The following ZNF335 variants were observed in gnomAD, a reference collection of about 807,000 sequenced individuals.
ZNF335 encodes zinc finger protein 335, also known as NRC-interacting factor 1.
ZNF335 carries 84 observed loss-of-function variants against 145.6 expected under a neutral mutation model. That is an observed-to-expected ratio of 0.58 (90% CI 0.48 to 0.69). ZNF335 has a LOEUF of 0.69. Among genes scored for constraint, ZNF335 ranks in the 30% least tolerant of loss-of-function variants. The probability of loss-of-function intolerance (pLI) is 0.00; values close to 1 mark genes in which losing one functional copy is unlikely to be tolerated. For synonymous variants in ZNF335, 761 were observed against 717.0 expected, an observed-to-expected ratio of 1.06 and a Z score of -0.98; for missense variants, 1,865 against 1,809.7, an observed-to-expected ratio of 1.03 and a Z score of -0.55.
rs778950743 is a variant in ZNF335, at chr20:45,960,439, G to C, written c.1859+10C>G. Reference sequence around the variant, plus strand: ...TGCTCCCGTCCCCAGGGGCCTCCAAGGGGATGTACCTGCGGTTGGCAACAG... The same window carrying C: ...TGCTCCCGTCCCCAGGGGCCTCCAACGGGATGTACCTGCGGTTGGCAACAG... On this transcript the variant is annotated intron_variant, in intron 13 of 27. Transcript: ENST00000322927. 1 of 1,614,210 alleles carries C rather than the reference G, an allele frequency of 6.2e-7. No homozygotes were observed. The highest frequency in any genetic ancestry group is 1.7e-5 in the Admixed American group (1 of 60,026).
At chr20:45,961,920 A>G in intron 10 of ZNF335, 150 bp downstream of exon 10, 1 of 642,642 alleles carries the variant, frequency 1.6e-6, no homozygotes, top group Non-Finnish European at 2.7e-6. Context: ...ACTGGGGTGA[A>G]CTGCCTTTCT....
chr20:45,965,386 C>G (rs1342825730), intron 7 of ZNF335, among the ~76,000 whole-genome samples: 1 of 152,190 alleles, frequency 6.6e-6, no homozygotes, highest in Non-Finnish European at 1.5e-5. Flanking sequence ...CCAAATTTCT[C>G]TTTTGCTATG....
At chr20:45,957,972 G>A in intron 15 of ZNF335, 44 bp from the exon 16 acceptor site, 5 of 1,532,056 alleles carry the variant, frequency 3.3e-6, no homozygotes, top group Admixed American at 1.7e-5. Flanking sequence ...GGCCAGCCCA[G>A]ATTCAAGTGC....
chr20:45,960,117 G>A (rs535481225), intron 14 of ZNF335, 91 bp downstream of exon 14: 2 of 1,447,780 alleles, frequency 1.4e-6, no homozygotes, highest in South Asian at 2.5e-5. Flanking sequence ...GGGCTACCGA[G>A]GGGGAAGGAA....
Position 45,948,910 on chromosome 20 carries a change from A to T in ZNF335, c.*43T>A. The stretch of plus-strand genomic sequence containing the variant: ...GTCCTGGTGGCCCCCTACCCCCAGG[A>T]GAGCTGGCCGCAAATCCATGATCTG... On this transcript the variant is annotated 3_prime_UTR_variant, in exon 28 of 28. Transcript: ENST00000322927. 1 of 1,613,116 alleles carries T rather than the reference A, an allele frequency of 6.2e-7. No homozygotes were observed. Among genetic ancestry groups the T allele is most frequent in the Non-Finnish European group, 8.5e-7 (1 of 1,179,888 alleles).
rs2145408122 is a variant in ZNF335 at position 45,965,644 on chromosome 20, G to T, written c.1086C>A (p.Ile362=). Residue 362 remains isoleucine (I), a synonymous_variant, in exon 7 of 28, where the codon ATC becomes ATA. Coordinates refer to ENST00000322927, the MANE Select transcript of ZNF335 (RefSeq NM_022095.4). ...GRPRKLPRLE[I]SDLPDGVEGE... ...AAGCCTCACCATCTGGGAGGTCTGAGATCTCCAGGCGGGGCAGCTTCCGGG... is the reference window on the plus strand; with the variant it reads ...AAGCCTCACCATCTGGGAGGTCTGATATCTCCAGGCGGGGCAGCTTCCGGG... 1 of 1,600,660 alleles carries T rather than the reference G, an allele frequency of 6.2e-7. No individual in the cohort carries two copies. Among genetic ancestry groups the T allele is most frequent in the South Asian group, 1.1e-5 (1 of 90,418 alleles).
chr20:45,957,653 G>T lies in ZNF335; in HGVS notation c.2375C>A (p.Thr792Lys). The T allele has an allele frequency of 6.2e-7, 1 of 1,614,156 alleles. No individual in the cohort carries two copies. The highest frequency in any genetic ancestry group is 1.3e-5 in the African/African-American group (1 of 75,044). ...QGAEESTAMA[T>K]QTALDLLLNM... ...CAGCAGAAGATCCAAGGCTGTCTGC[G>T]TGGCCATCGCTGTCGACTCCTCAGC... The change falls in exon 17 of 28, where the codon ACG (threonine) becomes AAG (lysine). Residue 792 changes from threonine to lysine, a missense_variant. Physicochemically the swap from Thr to Lys is moderately conservative, Grantham distance 78. Transcript: ENST00000322927.
At chr20:45,971,494 G>T (rs746542410) in intron 1 of ZNF335, 34 bp from the exon 2 acceptor site, 2 of 1,553,228 alleles carry the variant, frequency 1.3e-6, no homozygotes, top group Admixed American at 1.8e-5. Flanking sequence ...TGGAACAAGT[G>T]GGCCATCTCC....
At chr20:45,966,181 T>C (rs2083949225) in intron 6 of ZNF335, among the ~76,000 whole-genome samples, 1 of 152,060 alleles carries the variant, frequency 6.6e-6, no homozygotes, top group South Asian at 2.1e-4. Context: ...AACTGAGATA[T>C]AATTAAGTGT....
rs6130982 is a variant in ZNF335, at chr20:45,971,218, G to A, written c.193C>T (p.Arg65Cys). Reference protein sequence around the residue: ...GVGQSSDRGSRSQEEVSESSS... With the variant: ...GVGQSSDRGSCSQEEVSESSS... ...TCCAGCCGGGTCCATACCTGAGAAC[G>A]GCTGCCGCGGTCCGAGCTTTGCCCC... is the stretch of plus-strand genomic sequence containing the variant. Residue 65 changes from arginine (R) to cysteine (C), a missense_variant, in exon 2 of 28, where the codon CGT becomes TGT. Transcript: ENST00000322927. 1.3e-6 allele frequency: 2 copies of A among 1,539,954 alleles called. No homozygotes were observed. The highest frequency in any genetic ancestry group is 1.7e-6 in the Non-Finnish European group (2 of 1,145,418).
intron 6 of ZNF335, 58 bp downstream of exon 6, chr20:45,967,436 C>A (rs1194208812): frequency 6.2e-7 from 1 of 1,613,716 alleles, no homozygotes; most frequent in South Asian, 1.1e-5. Flanking sequence ...AGTGAAAGCT[C>A]AGTGAGTATG....
rs1178132351 is a variant in ZNF335 at position 45,962,820 on chromosome 20, TTTG to T, written c.1534-641_1534-639del. ...GGAACCGTTTTTTTTTTTTTGTTTG[TTTG>T]TTTTTTTGAGACAGAGTTTCGCTCT... On this transcript the variant is annotated intron_variant, in intron 9 of 27. Transcript: ENST00000322927. Among the ~76,000 whole-genome samples, 178 of 134,894 alleles carry T rather than the reference TTTG, an allele frequency of 1.3e-3. 2 individuals are homozygous for T. The Middle Eastern group carries it at 0.014, about 11-fold the overall frequency. 88.5% of individuals were successfully genotyped at this position (134,894 alleles called of 152,430 possible). A position where few individuals can be genotyped will look rare whatever the true frequency, so the allele number is the denominator to read the frequency against.
At chr20:45,961,492 T>TC (rs2083842773) in intron 10 of ZNF335, 1 of 151,702 alleles carries the variant, frequency 6.6e-6, no homozygotes, top group Admixed American at 6.6e-5. Context: ...AGAACCTTTT[T>TC]TTTTTTTTTT....
chr20:45,949,175 A>C lies in ZNF335; in HGVS notation c.3896T>G (p.Val1299Gly), dbSNP rs764779625. The change falls in exon 27 of 28, where the codon GTC (valine) becomes GGC (glycine). Residue 1299 changes from valine to glycine, a missense_variant. Val to Gly is a moderately radical substitution (Grantham distance 109). Transcript: ENST00000322927. ...AQLEAAAHSA[V>G]TAVADAAMAQ... ...CTCAGGATCCAGCTCCATACCTGTG[A>C]CAGCTGAGTGTGCTGCAGCCTCAAG... 6.2e-7 allele frequency: 1 copy of C among 1,613,714 alleles called. No homozygotes were observed. The highest frequency in any genetic ancestry group is 1.1e-5 in the South Asian group (1 of 91,072).
In ZNF335 at chr20:45,963,625, G is replaced by C; in HGVS notation, c.1381C>G (p.Leu461Val). ...RKYYYKSPKPLLRPFLCRICG... is the reference protein window; with the variant it reads ...RKYYYKSPKPVLRPFLCRICG... ...ATGCGGCACAGGAAGGGCCTCAAAA[G>C]TGGTTTGGGCGACTTGTAATAGTAC... The change falls in exon 9 of 28, where the codon CTT (leucine) becomes GTT (valine). Residue 461 changes from leucine to valine, a missense_variant. Leu to Val is a conservative substitution (Grantham distance 32). Transcript: ENST00000322927. The C allele has an allele frequency of 6.2e-7, 1 of 1,614,242 alleles. No homozygotes were observed. The highest frequency in any genetic ancestry group is 8.5e-7 in the Non-Finnish European group (1 of 1,180,038).
Position 45,951,187 on chromosome 20 carries a change from C to T in ZNF335, c.3190-592G>A, listed in dbSNP as rs567189941. 2.8e-3 allele frequency among the ~76,000 whole-genome samples: 434 copies of T among 152,344 alleles called. 1 individual carries two copies. The highest frequency in any genetic ancestry group is 0.01 in the African/African-American group (422 of 41,584). ...GATAAGAGGTGTGAGCCACCGTGCCCGGCCCTGGCCCTGATTTTCTAGGGC... is the reference window on the plus strand; with the variant it reads ...GATAAGAGGTGTGAGCCACCGTGCCTGGCCCTGGCCCTGATTTTCTAGGGC... On this transcript the variant is annotated intron_variant, in intron 20 of 27. Coordinates refer to ENST00000322927, the MANE Select transcript of ZNF335 (RefSeq NM_022095.4).
Position 45,962,132 on chromosome 20 carries a change from G to A in ZNF335, c.1584C>T (p.Cys528=), listed in dbSNP as rs1177858927. 9 of 1,613,790 alleles carry A rather than the reference G, an allele frequency of 5.6e-6. No homozygotes were observed. The highest frequency in any genetic ancestry group is 7.6e-6 in the Non-Finnish European group (9 of 1,179,988). Residue 528 remains cysteine (C), a synonymous_variant, in exon 10 of 28, where the codon TGC becomes TGT. Transcript: ENST00000322927. ...CCTTCCGGTAGACACTGGTGTAGCT[G>A]CACTCGTCACACTTGTAGGGCTTGC... ...VGSKPYKCDE[C]SYTSVYRKDV...
Position 45,949,886 on chromosome 20 carries a change from A to G in ZNF335, c.3592-9T>C. 1 of 1,614,078 alleles carries G rather than the reference A, an allele frequency of 6.2e-7. No individual in the cohort carries two copies. Among genetic ancestry groups the G allele is most frequent in the South Asian group, 1.1e-5 (1 of 91,080 alleles). ...ATGTAGGCGGCTTCCTCCTGCCAGG[A>G]CCAAGACAGCTCTAGCCTCATTTCT... On this transcript the variant is annotated splice_polypyrimidine_tract_variant and intron_variant, in intron 23 of 27. Coordinates refer to ENST00000322927, the MANE Select transcript of ZNF335 (RefSeq NM_022095.4).
intron 2 of ZNF335, chr20:45,969,938 G>C (rs1017839196): frequency 2.4e-6 from 1 of 419,022 alleles, no homozygotes; most frequent in Admixed American, 4.0e-5. Context: ...GGACTCCTAA[G>C]CCACAGCCAG....
Sources: allele counts gnomAD v4.1 joint callset (sites outside exome capture counted in the v4.1 genomes callset), GRCh38; gene constraint gnomAD v4.1.1; transcripts MANE v1.5; gene names NCBI Gene and HGNC (gene_info 2026-07-23, HGNC 2026-07-21).